Variants in CHD8 observed in about 807,000 individuals in gnomAD.
The protein encoded by CHD8 is ATP-dependent chromatin remodeler CHD8.
A neutral mutation model predicts 279.2 loss-of-function variants in CHD8; 31 were observed. The ratio of observed to expected loss-of-function variants is 0.11; its 90% CI spans 0.08 to 0.15. The LOEUF (loss-of-function observed/expected upper bound fraction) is 0.15. CHD8 is among the 10% of genes least tolerant of loss of function. The pLI, the probability that CHD8 is intolerant of heterozygous loss-of-function variation, is 1.00. For missense variants in CHD8, 2,146 were observed against 3,230.5 expected (o/e 0.66, Z 8.14); for synonymous variants, 1,081 against 1,139.6 (o/e 0.95, Z 1.04).
rs1887540454 is a variant in CHD8, at chr14:21,391,558, T to C, written c.6970A>G (p.Thr2324Ala). 1 of 1,613,646 alleles carries C rather than the reference T, an allele frequency of 6.2e-7. No homozygotes were observed. Among genetic ancestry groups the C allele is most frequent in the African/African-American group, 1.3e-5 (1 of 74,912 alleles). The stretch of plus-strand genomic sequence containing the variant: ...GGGGCATCCTCACCCACCAGCAAAG[T>C]ACCATCCACCTTATTGATGACAGGG... Reference protein sequence around the residue: ...RIPVINKVDGTLLVGEDAPRR... With the variant: ...RIPVINKVDGALLVGEDAPRR... Residue 2324 changes from threonine to alanine, a missense_variant, in exon 36 of 38, where the codon ACT becomes GCT. Physicochemically the swap from Thr to Ala is moderately conservative, Grantham distance 58. Transcript: ENST00000646647.
chr14:21,450,478 A>G (rs1890231025), intron 1 of CHD8, among the ~76,000 whole-genome samples: 1 of 152,174 alleles, frequency 6.6e-6, no homozygotes, highest in South Asian at 2.1e-4. Context: ...ACAATCTGAG[A>G]AACCTTAAAC....
intron 5 of CHD8, among the ~76,000 whole-genome samples, chr14:21,417,851 C>CAAAAAAA (rs59449804): frequency 1.0e-4 from 12 of 116,070 alleles, no homozygotes; most frequent in East Asian, 2.4e-4. Flanking sequence ...GAGACTCTCT[C>CAAAAAAA]AAAAAAAAAA....
chr14:21,438,146 C>T (rs1204147645), intron 1 of CHD8, among the ~76,000 whole-genome samples: 3 of 152,134 alleles, frequency 2.0e-5, no homozygotes, highest in Admixed American at 2.0e-4. Flanking sequence ...CTGCAACCTC[C>T]GCCTCGCGTG....
chr14:21,408,642 G>T lies in CHD8; in HGVS notation c.2486+62C>A. On this transcript the variant is annotated intron_variant, in intron 12 of 37. Transcript: ENST00000646647. This position sits in a 1 kb window ranked among gnomAD's most constrained non-coding sequence, Gnocchi z 4.3. ...TATGTAGGAAGAAATTGTTTCAATA[G>T]AAAACAAATAAAAATAATCCCAGAA... The T allele has an allele frequency of 6.4e-7, 1 of 1,569,958 alleles. No individual in the cohort carries two copies. Among genetic ancestry groups the T allele is most frequent in the Non-Finnish European group, 8.6e-7 (1 of 1,158,854 alleles).
At chr14:21,387,779 C>A (rs1276038833) in intron 37 of CHD8, among the ~76,000 whole-genome samples, 2 of 145,532 alleles carry the variant, frequency 1.4e-5, no homozygotes, top group Non-Finnish European at 1.5e-5. Flanking sequence ...GCACTCCAGC[C>A]TGGGTTACAG....
At chr14:21,398,032 T>A in intron 26 of CHD8, 80 bp from the exon 27 acceptor site, 1 of 1,331,952 alleles carries the variant, frequency 7.5e-7, no homozygotes, top group Non-Finnish European at 1.0e-6. Flanking sequence ...CTGGAATAAT[T>A]AGAATATGTT....
At position 21,394,000 on chromosome 14, in the gene CHD8, T is replaced by G; in HGVS notation, c.5795A>C (p.Glu1932Ala). The change falls in exon 32 of 38, where the codon GAG becomes GCG. Residue 1932 changes from glutamate (E) to alanine (A), a missense_variant. Coordinates refer to ENST00000646647, the MANE Select transcript of CHD8 (RefSeq NM_001170629.2). ...ATGGCGGGCTGCCCCTCTTAGAAGCTCCCCATCATGCCGAACAGGCTCCCA... is the reference window on the plus strand; with the variant it reads ...ATGGCGGGCTGCCCCTCTTAGAAGCGCCCCATCATGCCGAACAGGCTCCCA... ...KWWEPVRHDG[E>A]LLRGAARHGV... is the part of the protein sequence containing the mutation. 1 of 1,613,704 alleles carries G rather than the reference T, an allele frequency of 6.2e-7. No homozygotes were observed. The highest frequency in any genetic ancestry group is 1.7e-5 in the Admixed American group (1 of 59,990).
At position 21,405,212 on chromosome 14, in the gene CHD8, T is replaced by C. The variant is rs1888210131; in HGVS notation, c.3304A>G (p.Asn1102Asp). 6.2e-7 allele frequency: 1 copy of C among 1,613,704 alleles called. No individual in the cohort carries two copies. ...TATATACCAAGCATTCCCTCACCATTGATGAGATATGGGTGGTTGCAGCAC... is the reference window on the plus strand; with the variant it reads ...TATATACCAAGCATTCCCTCACCATCGATGAGATATGGGTGGTTGCAGCAC... ...RKCCNHPYLI[N>D]GAEEKILTEF... is the part of the protein sequence containing the mutation. The change falls in exon 16 of 38, where the codon AAT (asparagine) becomes GAT (aspartate). Residue 1102 changes from asparagine to aspartate, a missense_variant. Coordinates refer to ENST00000646647, the MANE Select transcript of CHD8 (RefSeq NM_001170629.2). This position sits in a 1 kb window ranked among gnomAD's most constrained non-coding sequence, Gnocchi z 4.2.
chr14:21,434,737 T>C (rs986980651), intron 1 of CHD8, among the ~76,000 whole-genome samples: 4 of 152,196 alleles, frequency 2.6e-5, no homozygotes, highest in Non-Finnish European at 4.4e-5. Context: ...ATTCATCTCA[T>C]ATTTTTATGC....
In CHD8 at chr14:21,392,179, T is replaced by C. The variant is rs192489152; in HGVS notation, c.6772-233A>G. The C allele has an allele frequency of 6.6e-6, 5 of 758,876 alleles. No individual in the cohort carries two copies. In the African/African-American group the frequency reaches 6.8e-5, roughly 10 times the overall value. The allele number at this position is 758,876 out of a possible 1,614,324, so 47.0% of individuals were successfully genotyped here. A position where few individuals can be genotyped will look rare whatever the true frequency, so the allele number is the denominator to read the frequency against. Reference sequence around the variant, plus strand: ...CTCAGCATTTACGAGAAAGAGTTTATTTCAACAACACCCAAGTTAGGGTAA... The same window carrying C: ...CTCAGCATTTACGAGAAAGAGTTTACTTCAACAACACCCAAGTTAGGGTAA... On this transcript the variant is annotated intron_variant, in intron 34 of 37. Coordinates refer to ENST00000646647, the MANE Select transcript of CHD8 (RefSeq NM_001170629.2).
At chr14:21,438,896 G>A (rs1193680879) in intron 1 of CHD8, among the ~76,000 whole-genome samples, 1 of 152,020 alleles carries the variant, frequency 6.6e-6, no homozygotes, top group Non-Finnish European at 1.5e-5. Flanking sequence ...GGAGGCCAAG[G>A]TGGGCAGATC....
chr14:21,425,254 C>G (rs977845379), intron 5 of CHD8: 1 of 151,738 alleles, frequency 6.6e-6, no homozygotes, highest in African/African-American at 2.4e-5. Flanking sequence ...GAAGGGCAAT[C>G]AAGCAGCATG....
At chr14:21,443,509 G>T (rs540041847) in intron 1 of CHD8, among the ~76,000 whole-genome samples, 3 of 152,056 alleles carry the variant, frequency 2.0e-5, no homozygotes, top group Non-Finnish European at 4.4e-5. Flanking sequence ...ATAGAGATTT[G>T]CAGGGGAAGA....
intron 5 of CHD8, among the ~76,000 whole-genome samples, chr14:21,423,717 G>A (rs1033183627): frequency 5.9e-5 from 9 of 152,068 alleles, no homozygotes; most frequent in African/African-American, 2.2e-4. Flanking sequence ...ATGAACTTGG[G>A]GGACACATTC....
intron 9 of CHD8, 129 bp downstream of exon 9, chr14:21,414,172 C>A: frequency 5.0e-6 from 3 of 603,374 alleles, no homozygotes; most frequent in South Asian, 2.2e-5. Context: ...AGTCAATGAC[C>A]AAAATTGAAA....
At chr14:21,398,018 GC>G in intron 26 of CHD8, 66 bp from the exon 27 acceptor site, 1 of 1,423,328 alleles carries the variant, frequency 7.0e-7, no homozygotes, top group Non-Finnish European at 9.6e-7. Context: ...TACTTTATAT[GC>G]TGCTGGAATA....
chr14:21,428,901 G>A, intron 3 of CHD8, 63 bp downstream of exon 3: 3 of 1,517,396 alleles, frequency 2.0e-6, no homozygotes, highest in Admixed American at 3.9e-5. Context: ...GGTTGCTGAG[G>A]GCAACAGCAA....
intron 1 of CHD8, chr14:21,455,245 C>T (rs528503916): frequency 6.6e-5 from 10 of 152,288 alleles, no homozygotes; most frequent in African/African-American, 2.4e-4. Flanking sequence ...CTGTGAAGAC[C>T]CTAACCGCTT....
In CHD8 at chr14:21,408,858, G is replaced by C; in HGVS notation, c.2365-33C>G. The C allele has an allele frequency of 6.3e-7, 1 of 1,587,550 alleles. No homozygotes were observed. Among genetic ancestry groups the C allele is most frequent in the Non-Finnish European group, 8.6e-7 (1 of 1,166,370 alleles). On this transcript the variant is annotated intron_variant, in intron 11 of 37. Transcript: ENST00000646647. The surrounding 1 kb of genome is among the most constrained non-coding windows in gnomAD (Gnocchi z 4.3). ...ACAAGACGTTTGAATAAATGGAGTG[G>C]AGACATTATCAAAAGGTAAGACTTA...
Sources: gnomAD v4.1 joint callset for allele counts (sites outside exome capture counted in the v4.1 genomes callset) on GRCh38, gnomAD v4.1.1 for gene constraint, Gnocchi (gnomAD v3.1) non-coding constraint, MANE v1.5 for transcripts, NCBI Gene and HGNC (gene_info 2026-07-23, HGNC 2026-07-21) for gene names.